Variants in ABCB5 observed in about 807,000 individuals in gnomAD.
ABCB5 encodes the protein ATP-binding cassette sub-family B member 5.
In ABCB5, 155 loss-of-function variants were observed where a neutral mutation model predicts 144.2. The observed-to-expected ratio is 1.08, with a 90% confidence interval of 0.94 to 1.23. ABCB5 has a LOEUF of 1.23. Ranked by LOEUF, ABCB5 falls within the 50% of genes most tolerant of loss-of-function variation. The pLI is 0.00. For missense variants in ABCB5, 1,830 were observed against 1,520.8 expected, an observed-to-expected ratio of 1.20 and a Z score of -3.38; for synonymous variants, 610 against 528.6, an observed-to-expected ratio of 1.15 and a Z score of -2.11.
intron 16 of ABCB5, among the ~76,000 whole-genome samples, chr7:20,691,016 G>A (rs1161999284): frequency 1.3e-5 from 2 of 152,030 alleles, no homozygotes; most frequent in African/African-American, 4.8e-5. Flanking sequence ...GTGAAATAAT[G>A]GCTTCTGACA....
At chr7:20,720,741 C>A (rs1203761335) in intron 20 of ABCB5, among the ~76,000 whole-genome samples, 2 of 151,770 alleles carry the variant, frequency 1.3e-5, no homozygotes, top group African/African-American at 2.4e-5. Flanking sequence ...GTCAGGAGAT[C>A]GAGACCATCC....
At chr7:20,665,114 T>G in intron 14 of ABCB5, among the ~76,000 whole-genome samples, 1 of 152,178 alleles carries the variant, frequency 6.6e-6, no homozygotes, top group Non-Finnish European at 1.5e-5. Context: ...CGTTCCTAAT[T>G]AGGTAGTACA....
intron 16 of ABCB5, among the ~76,000 whole-genome samples, chr7:20,691,990 A>T (rs1156469132): frequency 1.3e-5 from 2 of 152,184 alleles, no homozygotes; most frequent in Non-Finnish European, 1.5e-5. Flanking sequence ...TGGCACACTT[A>T]GTAGAGTTAG....
intron 21 of ABCB5, among the ~76,000 whole-genome samples, chr7:20,726,249 T>A (rs776450480): frequency 4.7e-4 from 72 of 152,010 alleles, no homozygotes; most frequent in Non-Finnish European, 5.4e-4. Context: ...AAGAATTTTA[T>A]AACCACATGC....
intron 16 of ABCB5, among the ~76,000 whole-genome samples, chr7:20,691,717 T>C (rs867855614): frequency 6.6e-6 from 1 of 152,046 alleles, no homozygotes; most frequent in South Asian, 2.1e-4. Flanking sequence ...TAATTAGTCC[T>C]AGACTAAACT....
At chr7:20,619,790 CA>C (rs1157085514) in intron 1 of ABCB5, among the ~76,000 whole-genome samples, 2 of 152,102 alleles carry the variant, frequency 1.3e-5, no homozygotes, top group Non-Finnish European at 2.9e-5. Flanking sequence ...AGTTTTCTTC[CA>C]GGGTTTTTAT....
At chr7:20,743,535 A>G (rs1343710528) in intron 25 of ABCB5, among the ~76,000 whole-genome samples, 1 of 152,154 alleles carries the variant, frequency 6.6e-6, no homozygotes, top group Non-Finnish European at 1.5e-5. Context: ...CCATGAAGTC[A>G]TGCCTCTAAT....
Position 20,755,508 on chromosome 7 carries a change from G to A in ABCB5, c.3658G>A (p.Ala1220Thr), listed in dbSNP as rs575837361. ...VTHRLSAIQN[A>T]DLIVVLHNGK... ...TCACAGGCTCTCTGCAATTCAGAAC[G>A]CAGATTTGATAGTGGTTCTGCACAA... Residue 1220 changes from alanine to threonine, a missense_variant, in exon 28 of 28, where the codon GCA (alanine) becomes ACA (threonine). Physicochemically the swap from Ala to Thr is moderately conservative, Grantham distance 58. Transcript: ENST00000404938. 2.2e-5 allele frequency: 35 copies of A among 1,614,124 alleles called. No individual in the cohort carries two copies. Among genetic ancestry groups the A allele is most frequent in the Admixed American group, 1.7e-4 (10 of 60,012 alleles).
At chr7:20,676,684 C>T (rs764647708) in intron 14 of ABCB5, among the ~76,000 whole-genome samples, 6 of 152,044 alleles carry the variant, frequency 3.9e-5, no homozygotes, top group Non-Finnish European at 8.8e-5. Context: ...CAACATTGTG[C>T]CTATAGTTGG....
chr7:20,685,743 T>G lies in ABCB5; in HGVS notation c.1917T>G (p.Thr639=), dbSNP rs115722120. The G allele has an allele frequency of 7.5e-4, 1,203 of 1,613,278 alleles. 6 individuals are homozygous for G. The African/African-American group carries it at 0.013, about 17-fold the overall frequency. ...AGATGGAGTCAATGACATATTCTAC[T>G]GAAAGAAAGACCAACTCACTTCCTC... The part of the protein sequence containing the change: ...DEQMESMTYS[T]ERKTNSLPLH... The change falls in exon 16 of 28, where the codon ACT becomes ACG. Residue 639 remains threonine, a synonymous_variant. Transcript: ENST00000404938.
chr7:20,753,190 G>A lies in ABCB5; in HGVS notation c.3430-170G>A, dbSNP rs190451204. ...TAAATGAGATGGTAGTGTTTACTGC[G>A]GCTTTAGCATTTATTTGCAACAAAG... On this transcript the variant is annotated intron_variant, in intron 26 of 27. Coordinates refer to ENST00000404938, the MANE Select transcript of ABCB5 (RefSeq NM_001163941.2). Among the ~76,000 whole-genome samples, 145 of 152,216 alleles carry A rather than the reference G, an allele frequency of 9.5e-4. 1 individual carries two copies. Among genetic ancestry groups the A allele is most frequent in the African/African-American group, 3.3e-3 (139 of 41,534 alleles).
intron 20 of ABCB5, among the ~76,000 whole-genome samples, chr7:20,718,516 G>A (rs1020013746): frequency 6.6e-6 from 1 of 152,082 alleles, no homozygotes; most frequent in African/African-American, 2.4e-5. Flanking sequence ...AATTTCCTTA[G>A]ATGTTTTAGT....
intron 24 of ABCB5, among the ~76,000 whole-genome samples, chr7:20,740,237 C>T (rs1396413487): frequency 6.6e-6 from 1 of 151,986 alleles, no homozygotes; most frequent in Non-Finnish European, 1.5e-5. Flanking sequence ...GAGACTTGCT[C>T]TCAAAAATAA....
chr7:20,643,866 C>G (rs1444459939), intron 7 of ABCB5, among the ~76,000 whole-genome samples: 2 of 152,154 alleles, frequency 1.3e-5, no homozygotes, highest in Non-Finnish European at 2.9e-5. Context: ...AAACATTTCT[C>G]TTCATTTAGC....
At chr7:20,682,385 T>C (rs540358529) in intron 15 of ABCB5, among the ~76,000 whole-genome samples, 1 of 152,150 alleles carries the variant, frequency 6.6e-6, no homozygotes, top group East Asian at 1.9e-4. Context: ...GCAAGATTGA[T>C]GGGGAGAGAC....
chr7:20,744,525 T>C (rs1191490862), intron 25 of ABCB5, among the ~76,000 whole-genome samples: 2 of 151,950 alleles, frequency 1.3e-5, no homozygotes, highest in African/African-American at 4.8e-5. Flanking sequence ...CCTGTTACCC[T>C]GTCTTTAGGG....
At chr7:20,649,646 A>C (rs2128025315) in intron 11 of ABCB5, among the ~76,000 whole-genome samples, 1 of 152,308 alleles carries the variant, frequency 6.6e-6, no homozygotes, top group Non-Finnish European at 1.5e-5. Context: ...CCTAAGGAGG[A>C]GCTTCATTAA....
At position 20,681,030 on chromosome 7, in the gene ABCB5, CTT is replaced by C. The variant is rs1304107196; in HGVS notation, c.1708-473_1708-472del. Among the ~76,000 whole-genome samples the C allele has an allele frequency of 3.0e-3, 227 of 74,498 alleles. 20 individuals are homozygous for C. Among genetic ancestry groups the C allele is most frequent in the African/African-American group, 0.018 (218 of 12,230 alleles). The allele number at this position is 74,498 out of a possible 152,430, so 48.9% of individuals were successfully genotyped here. On this transcript the variant is annotated intron_variant, in intron 14 of 27. Coordinates refer to ENST00000404938, the MANE Select transcript of ABCB5 (RefSeq NM_001163941.2). The stretch of plus-strand genomic sequence containing the variant: ...TCTTTCTTTCTTTCTTTCTTTCTTT[CTT>C]TCTCTTTCTTTCTTTCTCTCTCTCT...
At chr7:20,752,777 C>T (rs1459952228) in intron 26 of ABCB5, among the ~76,000 whole-genome samples, 2 of 152,094 alleles carry the variant, frequency 1.3e-5, no homozygotes, top group South Asian at 2.1e-4. Context: ...AGCCGGGAGG[C>T]GGAGGTTGCA....
Sources: allele counts gnomAD v4.1 joint callset (sites outside exome capture counted in the v4.1 genomes callset), GRCh38; gene constraint gnomAD v4.1.1; transcripts MANE v1.5; gene names NCBI Gene and HGNC (gene_info 2026-07-23, HGNC 2026-07-21).